Variants in ADGRG2 observed in about 807,000 individuals in gnomAD.
ADGRG2 encodes G protein-coupled receptor 64.
Under a neutral mutation model 74.1 loss-of-function variants are expected in ADGRG2, and 26 were observed. The ratio of observed to expected loss-of-function variants is 0.35; its 90% CI spans 0.26 to 0.49. The LOEUF is 0.49. ADGRG2 is among the 20% of genes least tolerant of loss of function. The pLI, the probability that ADGRG2 is intolerant of heterozygous loss-of-function variation, is 0.99. For synonymous variants in ADGRG2, 296 were observed against 295.2 expected (o/e 1.00, Z -0.03); for missense variants, 619 against 763.1 (o/e 0.81, Z 2.22).
intron 16 of ADGRG2, among the ~76,000 whole-genome samples, chrX:19,011,028 C>G (rs765542950): frequency 8.9e-6 from 1 of 112,222 alleles, no homozygotes; most frequent in East Asian, 2.8e-4. Context: ...TACCTCCATA[C>G]AGTGAAATAT....
intron 3 of ADGRG2, among the ~76,000 whole-genome samples, chrX:19,045,802 C>A (rs1214835103): frequency 2.7e-5 from 3 of 111,419 alleles, no homozygotes; most frequent in Non-Finnish European, 5.6e-5. Flanking sequence ...AATCCATCCA[C>A]CAATTGTACA....
chrX:19,062,227 G>A lies in ADGRG2; in HGVS notation c.118+6490C>T, dbSNP rs1048107183. ...TGAGAGCTGAGAGAGACTTGGAGGG[G>A]ACATCATCTCCCAGAGGAAACAGTT... On this transcript the variant is annotated intron_variant, in intron 3 of 28. Coordinates refer to ENST00000379869, the MANE Select transcript of ADGRG2 (RefSeq NM_001079858.3). Among the ~76,000 whole-genome samples, 3 of 111,939 alleles carry A rather than the reference G, an allele frequency of 2.7e-5. No individual in the cohort carries two copies. In the Admixed American group the frequency reaches 2.8e-4, roughly 11 times the overall value.
chrX:19,122,031 A>T lies in ADGRG2; in HGVS notation c.-47+411T>A, dbSNP rs780183404. Among the ~76,000 whole-genome samples the T allele has an allele frequency of 2.0e-3, 220 of 112,011 alleles. 4 individuals are homozygous for T. The highest frequency in any genetic ancestry group is 0.019 in the Admixed American group (199 of 10,743). On this transcript the variant is annotated intron_variant, in intron 1 of 28. Coordinates refer to ENST00000379869, the MANE Select transcript of ADGRG2 (RefSeq NM_001079858.3). ...GTTCGCGCTCCGCCAGCACCGCCGC[A>T]GCCCGACCAGGCGCGCGGAGCCGGG...
At chrX:19,082,099 A>AAAAG (rs1158715473) in intron 2 of ADGRG2, among the ~76,000 whole-genome samples, 13 of 103,413 alleles carry the variant, frequency 1.3e-4, no homozygotes, top group Admixed American at 2.1e-4. Context: ...AAAAAAAAAG[A>AAAAG]AAAGAAAGAA....
At chrX:19,105,398 C>T (rs2062266397) in intron 1 of ADGRG2, among the ~76,000 whole-genome samples, 1 of 112,255 alleles carries the variant, frequency 8.9e-6, no homozygotes, top group African/African-American at 3.2e-5. Flanking sequence ...TAATTAGTTG[C>T]TATTTAGGCC....
chrX:19,024,770 T>C (rs2060664560), intron 11 of ADGRG2, among the ~76,000 whole-genome samples: 1 of 112,220 alleles, frequency 8.9e-6, no homozygotes, highest in South Asian at 3.7e-4. Context: ...AATGGTAGCA[T>C]CAGGCAAGGT....
intron 22 of ADGRG2, among the ~76,000 whole-genome samples, 183 bp downstream of exon 22, chrX:19,005,819 C>T (rs1039436443): frequency 1.8e-5 from 2 of 112,021 alleles, no homozygotes; most frequent in Admixed American, 1.9e-4. Flanking sequence ...TCCCAAAGTG[C>T]TGGGATTACA....
intron 1 of ADGRG2, among the ~76,000 whole-genome samples, chrX:19,100,198 G>A (rs1030378694): frequency 4.4e-5 from 5 of 112,543 alleles, no homozygotes; most frequent in African/African-American, 1.6e-4. Context: ...TCCTGACAAC[G>A]CTTTAGAAGC....
At chrX:19,037,873 A>G (rs1162042057) in intron 4 of ADGRG2, among the ~76,000 whole-genome samples, 2 of 112,005 alleles carry the variant, frequency 1.8e-5, no homozygotes, top group African/African-American at 3.2e-5. Context: ...AAGCTTGCTA[A>G]CTACTTATGG....
chrX:19,061,198 T>C (rs1035679963), intron 3 of ADGRG2, among the ~76,000 whole-genome samples: 115 of 111,845 alleles, frequency 1.0e-3, no homozygotes, highest in African/African-American at 3.5e-3. Flanking sequence ...GTATCAGAAC[T>C]GACTGGGTTC....
chrX:19,096,668 T>C (rs962126111), intron 1 of ADGRG2, among the ~76,000 whole-genome samples: 2 of 111,609 alleles, frequency 1.8e-5, no homozygotes, highest in African/African-American at 6.5e-5. Context: ...AAGGGAGGTG[T>C]AGGGAGGTGG....
chrX:19,038,961 A>G (rs1448715710), intron 4 of ADGRG2, among the ~76,000 whole-genome samples: 1 of 112,179 alleles, frequency 8.9e-6, no homozygotes, highest in Non-Finnish European at 1.9e-5. Flanking sequence ...GGAGGCCTGC[A>G]GTCCTGGGTT....
chrX:19,047,016 A>T (rs2061205921), intron 3 of ADGRG2, among the ~76,000 whole-genome samples: 1 of 112,183 alleles, frequency 8.9e-6, no homozygotes, highest in African/African-American at 3.2e-5. Flanking sequence ...TGGATCTGAA[A>T]GTAACAAGGC....
At chrX:19,002,254 T>TTCCTGA (rs1162701476) in intron 24 of ADGRG2, among the ~76,000 whole-genome samples, 23 of 110,992 alleles carry the variant, frequency 2.1e-4, no homozygotes, top group East Asian at 8.6e-4. Flanking sequence ...GCTCCTGCAT[T>TTCCTGA]GGGTGGGAAA....
At chrX:19,109,005 A>T (rs778963853) in intron 1 of ADGRG2, among the ~76,000 whole-genome samples, 2 of 111,153 alleles carry the variant, frequency 1.8e-5, no homozygotes, top group Non-Finnish European at 3.8e-5. Context: ...GGAGTTCAAG[A>T]CCAGCCTGGG....
chrX:19,002,979 T>C lies in ADGRG2; in HGVS notation c.2097A>G (p.Val699=), dbSNP rs1203039129. Reference sequence around the variant, plus strand: ...AGACCAAGAGAAAATAATGAAGAAATACAGCCACTGAGATGCAGAGGCCTT... The same window carrying C: ...AGACCAAGAGAAAATAATGAAGAAACACAGCCACTGAGATGCAGAGGCCTT... ...KMQGLCISVA[V]FLHYFLLVSF... Residue 699 remains valine (V), a synonymous_variant, in exon 24 of 29, where the codon GTA becomes GTG. Coordinates refer to ENST00000379869, the MANE Select transcript of ADGRG2 (RefSeq NM_001079858.3). 4.1e-6 allele frequency: 5 copies of C among 1,207,436 alleles called. No homozygotes were observed. In the Admixed American group the frequency reaches 1.1e-4, roughly 26 times the overall value.
chrX:19,083,894 C>T (rs1292021877), intron 1 of ADGRG2, among the ~76,000 whole-genome samples: 1 of 112,376 alleles, frequency 8.9e-6, no homozygotes, highest in African/African-American at 3.2e-5. Context: ...CTGGAACCAA[C>T]TGACCTACTG....
At chrX:19,060,175 C>T (rs758374419) in intron 3 of ADGRG2, among the ~76,000 whole-genome samples, 1 of 111,914 alleles carries the variant, frequency 8.9e-6, no homozygotes, top group Admixed American at 9.5e-5. Flanking sequence ...TGAAGAGACA[C>T]TGGGATTCTT....
intron 1 of ADGRG2, among the ~76,000 whole-genome samples, chrX:19,089,616 T>A (rs189408836): frequency 5.4e-5 from 6 of 111,741 alleles, no homozygotes; most frequent in African/African-American, 1.3e-4. Context: ...TGAAAAGTGC[T>A]TGAGCATGGA....
Sources: gnomAD v4.1 joint callset for allele counts (sites outside exome capture counted in the v4.1 genomes callset) on GRCh38, gnomAD v4.1.1 for gene constraint, MANE v1.5 for transcripts, NCBI Gene and HGNC (gene_info 2026-07-23, HGNC 2026-07-21) for gene names.